The following RAD17 variants were observed in gnomAD, a reference collection of about 807,000 sequenced individuals.
RAD17 encodes RAD17 checkpoint clamp loader component.
RAD17 carries 31 observed loss-of-function variants against 81.5 expected under a neutral mutation model. The ratio of observed to expected loss-of-function variants is 0.38; its 90% CI spans 0.29 to 0.51. The LOEUF (loss-of-function observed/expected upper bound fraction) is 0.51, where lower values mean the gene tolerates loss of function less well. Among genes scored for constraint, RAD17 ranks in the 20% least tolerant of loss-of-function variants. The pLI is 0.88. For missense variants in RAD17, 681 were observed against 781.2 expected (o/e 0.87, Z 1.53); for synonymous variants, 261 against 266.2 (o/e 0.98, Z 0.19).
In RAD17 at chr5:69,372,106, G is replaced by A. The variant is rs1202749858; in HGVS notation, c.-103G>A. On this transcript the variant is annotated 5_prime_UTR_variant, in exon 4 of 19. Transcript: ENST00000354868. Reference sequence around the variant, plus strand: ...AAATAATTTGCAAATCAGAATTGCTGTCGAAAGTTTTACTATAATGAAAGA... The same window carrying A: ...AAATAATTTGCAAATCAGAATTGCTATCGAAAGTTTTACTATAATGAAAGA... 6.8e-7 allele frequency: 1 copy of A among 1,461,370 alleles called. No homozygotes were observed. The highest frequency in any genetic ancestry group is 1.4e-5 in the African/African-American group (1 of 69,854). The allele number at this position is 1,461,370 out of a possible 1,614,324, so 90.5% of individuals were successfully genotyped here.
upstream of RAD17, chr5:69,369,709 G>A (rs1427926433): frequency 1.9e-6 from 3 of 1,551,608 alleles, no homozygotes; most frequent in Non-Finnish European, 2.6e-6. Flanking sequence ...GGCATAACTC[G>A]GGTCGGTACT....
chr5:69,392,718 CTT>C (rs1764621438), intron 13 of RAD17: 2 of 420,112 alleles, frequency 4.8e-6, no homozygotes, highest in Admixed American at 5.2e-5. Context: ...TGATTCTTTT[CTT>C]TCTCTCCTTT....
intron 6 of RAD17, among the ~76,000 whole-genome samples, chr5:69,377,448 T>TATATATATAC (rs1218985650): frequency 7.2e-4 from 7 of 9,788 alleles, no homozygotes; most frequent in Non-Finnish European, 3.7e-3. Context: ...TGTATATATA[T>TATATATATAC]ATATATATAT....
chr5:69,409,237 G>GT (rs1765819587), intron 17 of RAD17, among the ~76,000 whole-genome samples: 2 of 152,242 alleles, frequency 1.3e-5, no homozygotes, highest in Admixed American at 1.3e-4. Context: ...CCTCTGCTAT[G>GT]TAACAAGCTG....
chr5:69,388,056 AG>A (rs1764324244), intron 11 of RAD17, among the ~76,000 whole-genome samples: 2 of 152,174 alleles, frequency 1.3e-5, no homozygotes, highest in Non-Finnish European at 2.9e-5. Context: ...TATAAGCATG[AG>A]AACTGCAAAT....
intron 1 of RAD17, 174 bp from the exon 2 acceptor site, chr5:69,370,861 A>ACATTG (rs1256541531): frequency 1.7e-5 from 4 of 232,582 alleles, no homozygotes; most frequent in Non-Finnish European, 3.5e-5. Context: ...ATAAGTTTGT[A>ACATTG]GACCTTAAAC....
intron 7 of RAD17, among the ~76,000 whole-genome samples, chr5:69,382,921 T>A (rs536515832): frequency 6.6e-6 from 1 of 152,202 alleles, no homozygotes; most frequent in South Asian, 2.1e-4. Flanking sequence ...GTAGCTGGGA[T>A]TAGAGGCATG....
chr5:69,369,985 G>A (rs1483902193), intron 1 of RAD17, 52 bp downstream of exon 1: 4 of 449,044 alleles, frequency 8.9e-6, no homozygotes, highest in African/African-American at 2.1e-5. Context: ...AGAGACGTGA[G>A]TCTATCTCTG....
Position 69,386,307 on chromosome 5 carries a change from TA to T in RAD17, c.824+4del. 1 of 1,591,484 alleles carries T rather than the reference TA, an allele frequency of 6.3e-7. No homozygotes were observed. Among genetic ancestry groups the T allele is most frequent in the Non-Finnish European group, 8.5e-7 (1 of 1,170,364 alleles). Reference sequence around the variant, plus strand: ...AGAGTGTTCTATCTCAAATATTAGGTAAGAAAGAAATTTCTGCTTATAAAGG... The same window carrying T: ...AGAGTGTTCTATCTCAAATATTAGGTAGAAAGAAATTTCTGCTTATAAAGG... On this transcript the variant is annotated splice_donor_region_variant and intron_variant, in intron 10 of 18. Transcript: ENST00000354868.
At chr5:69,388,917 ATTTAAG>A in intron 11 of RAD17, 111 bp from the exon 12 acceptor site, 1 of 546,860 alleles carries the variant, frequency 1.8e-6, no homozygotes, top group South Asian at 3.3e-5. Context: ...CCTTTTTAGT[ATTTAAG>A]TTTAAAAGAA....
chr5:69,402,586 C>T (rs957719387), intron 17 of RAD17, among the ~76,000 whole-genome samples: 19 of 149,844 alleles, frequency 1.3e-4, no homozygotes, highest in Non-Finnish European at 1.9e-4. Flanking sequence ...ACCCGGGAGG[C>T]GGAGCTTGCA....
At chr5:69,393,324 A>G (rs1271364753) in intron 14 of RAD17, 30 bp from the exon 15 acceptor site, 2 of 1,579,750 alleles carry the variant, frequency 1.3e-6, no homozygotes, top group Non-Finnish European at 1.7e-6. Context: ...CATTTTTACC[A>G]AATTTATGTA....
chr5:69,369,938 G>T lies in RAD17; in HGVS notation c.-417+5G>T, dbSNP rs1762824100. On this transcript the variant is annotated splice_donor_5th_base_variant and intron_variant, in intron 1 of 18. Transcript: ENST00000354868. ...AGGGGATGCAGCTCCGGGAAAGTAAGGCCGCCGCGGTTGCGGCTATATTAT... is the reference window on the plus strand; with the variant it reads ...AGGGGATGCAGCTCCGGGAAAGTAATGCCGCCGCGGTTGCGGCTATATTAT... 1.8e-6 allele frequency: 1 copy of T among 563,822 alleles called. No individual in the cohort carries two copies. Among genetic ancestry groups the T allele is most frequent in the East Asian group, 3.0e-5 (1 of 32,858 alleles). 34.9% of individuals were successfully genotyped at this position (563,822 alleles called of 1,614,324 possible).
upstream of RAD17, chr5:69,369,793 C>G (rs918579131): frequency 2.3e-5 from 31 of 1,366,142 alleles, no homozygotes; most frequent in East Asian, 7.9e-4. Flanking sequence ...TTGCGCCGAC[C>G]AGTCTGGAAG....
At chr5:69,400,576 A>T (rs992393394) in intron 17 of RAD17, among the ~76,000 whole-genome samples, 1 of 151,546 alleles carries the variant, frequency 6.6e-6, no homozygotes, top group Admixed American at 6.6e-5. Flanking sequence ...ATGCAGTGAG[A>T]TACTTTTTTT....
intron 6 of RAD17, among the ~76,000 whole-genome samples, chr5:69,381,496 T>C (rs1229671302): frequency 9.2e-5 from 14 of 151,476 alleles, no homozygotes; most frequent in Admixed American, 9.2e-4. Flanking sequence ...AAAAAAAGAA[T>C]AAATTTTATG....
At chr5:69,386,135 G>A (rs1196432973) in intron 9 of RAD17, 40 bp downstream of exon 9, 1 of 1,599,746 alleles carries the variant, frequency 6.3e-7, no homozygotes, top group East Asian at 2.2e-5. Flanking sequence ...CAAATTAAAT[G>A]AGAAGTGGCT....
chr5:69,375,299 G>T (rs1194266502), intron 6 of RAD17, among the ~76,000 whole-genome samples: 2 of 152,110 alleles, frequency 1.3e-5, no homozygotes, highest in Non-Finnish European at 2.9e-5. Context: ...TAGCACATCA[G>T]ATTATCTCAG....
chr5:69,371,469 A>AT lies in RAD17; in HGVS notation c.-263dup, dbSNP rs1762992533. On this transcript the variant is annotated 5_prime_UTR_variant, in exon 3 of 19. It removes an upstream start codon present in the reference 5' UTR. Coordinates refer to ENST00000354868, the MANE Select transcript of RAD17 (RefSeq NM_133338.3). ...CCCCCCCCAGGTGAATTATAGTTTA[A>AT]TGTACTGCAAGTCCTAAACTACGGA... is the stretch of plus-strand genomic sequence containing the variant. The AT allele has an allele frequency of 2.0e-6, 1 of 508,412 alleles. No homozygotes were observed. Among genetic ancestry groups the AT allele is most frequent in the Non-Finnish European group, 3.1e-6 (1 of 327,006 alleles). The allele number at this position is 508,412 out of a possible 1,614,324, so 31.5% of individuals were successfully genotyped here. A position where few individuals can be genotyped will look rare whatever the true frequency, so the allele number is the denominator to read the frequency against.
Sources: gnomAD v4.1 joint callset for allele counts (sites outside exome capture counted in the v4.1 genomes callset) on GRCh38, gnomAD v4.1.1 for gene constraint, MANE v1.5 for transcripts, NCBI Gene and HGNC (gene_info 2026-07-23, HGNC 2026-07-21) for gene names.